ZBTB44: variants seen among roughly 807,000 people sequenced by gnomAD.
ZBTB44 encodes zinc finger and BTB domain-containing protein 44.
Under a neutral mutation model 54.0 loss-of-function variants are expected in ZBTB44, and 15 were observed. The observed-to-expected ratio is 0.28, with a 90% confidence interval of 0.19 to 0.43. The LOEUF (loss-of-function observed/expected upper bound fraction) is 0.43, where lower values mean the gene tolerates loss of function less well. ZBTB44 is among the 20% of genes least tolerant of loss of function. The probability of loss-of-function intolerance (pLI) is 1.00; values close to 1 mark genes in which losing one functional copy is unlikely to be tolerated. For missense variants in ZBTB44, 487 were observed against 707.1 expected (o/e 0.69, Z 3.53); for synonymous variants, 230 against 250.1 (o/e 0.92, Z 0.76).
intron 1 of ZBTB44, among the ~76,000 whole-genome samples, chr11:130,295,367 G>A (rs1267997617): frequency 6.6e-6 from 1 of 152,146 alleles, no homozygotes; most frequent in Non-Finnish European, 1.5e-5. Flanking sequence ...TGGAGAAGCA[G>A]CAATGCAGTC....
At chr11:130,280,237 G>A (rs1940407729) in intron 1 of ZBTB44, among the ~76,000 whole-genome samples, 1 of 152,086 alleles carries the variant, frequency 6.6e-6, no homozygotes, top group Non-Finnish European at 1.5e-5. Context: ...AAAACACAGA[G>A]ACAGCACGAG....
intron 7 of ZBTB44, chr11:130,233,043 G>C (rs1361787240): frequency 2.8e-6 from 1 of 363,422 alleles, no homozygotes; most frequent in Non-Finnish European, 4.9e-6. Flanking sequence ...AGCCTCAATA[G>C]AGAATTATTT....
rs1185487291 is a variant in ZBTB44, at chr11:130,273,980, A to AG, written c.-56-12052dup. Among the ~76,000 whole-genome samples, 7 of 150,262 alleles carry AG rather than the reference A, an allele frequency of 4.7e-5. No individual in the cohort carries two copies. In the East Asian group the frequency reaches 1.2e-3, roughly 25 times the overall value. Reference sequence around the variant, plus strand: ...GCACATGCCTGTAATCCCAGCTAGTAGGGGGGCTGAGGCAGGAAAATAATT... The same window carrying AG: ...GCACATGCCTGTAATCCCAGCTAGTAGGGGGGGCTGAGGCAGGAAAATAATT... On this transcript the variant is annotated intron_variant, in intron 1 of 7. Coordinates refer to ENST00000357899, the MANE Select transcript of ZBTB44 (RefSeq NM_001301098.2).
chr11:130,303,983 T>G (rs1942132785), intron 1 of ZBTB44, among the ~76,000 whole-genome samples: 1 of 152,174 alleles, frequency 6.6e-6, no homozygotes, highest in Non-Finnish European at 1.5e-5. Flanking sequence ...TGCCAGCCAA[T>G]ATCAACATTG....
chr11:130,250,767 C>T (rs1937934206), intron 2 of ZBTB44, among the ~76,000 whole-genome samples: 1 of 152,092 alleles, frequency 6.6e-6, no homozygotes, highest in African/African-American at 2.4e-5. Flanking sequence ...ACACAGACGC[C>T]CCATCCAAAC....
At position 130,230,413 on chromosome 11, in the gene ZBTB44, G is replaced by GTTTTTT. The variant is rs60251959; in HGVS notation, c.*1345_*1350dup. 15 of 105,404 alleles carry GTTTTTT rather than the reference G, an allele frequency of 1.4e-4. No homozygotes were observed. The highest frequency in any genetic ancestry group is 1.8e-4 in the African/African-American group (5 of 27,410). The allele number at this position is 105,404 out of a possible 1,614,324, so 6.5% of individuals were successfully genotyped here. Reference sequence around the variant, plus strand: ...GGCAAAGTATTTTAACAAGATGAAAGTTTTTTTTTTTTTTTTTTTTTGCTA... The same window carrying GTTTTTT: ...GGCAAAGTATTTTAACAAGATGAAAGTTTTTTTTTTTTTTTTTTTTTTTTTTTGCTA... On this transcript the variant is annotated 3_prime_UTR_variant, in exon 8 of 8. Coordinates refer to ENST00000357899, the MANE Select transcript of ZBTB44 (RefSeq NM_001301098.2).
chr11:130,272,857 G>A (rs1939777756), intron 1 of ZBTB44, among the ~76,000 whole-genome samples: 1 of 151,998 alleles, frequency 6.6e-6, no homozygotes, highest in Admixed American at 6.5e-5. Flanking sequence ...CATCCTTGTT[G>A]GAAATCAGTT....
chr11:130,253,259 G>A (rs963103127), intron 2 of ZBTB44, among the ~76,000 whole-genome samples: 3 of 152,264 alleles, frequency 2.0e-5, no homozygotes, highest in Non-Finnish European at 4.4e-5. Context: ...ATTCAATTAC[G>A]AAAAGAGGAA....
rs565872614 is a variant in ZBTB44 at position 130,259,678 on chromosome 11, T to C, written c.1018+1178A>G. ...GGGACATGGATGAAGCTGGAAACCATCATTCTCCGCAAACTATCACAAGAA... is the reference window on the plus strand; with the variant it reads ...GGGACATGGATGAAGCTGGAAACCACCATTCTCCGCAAACTATCACAAGAA... On this transcript the variant is annotated intron_variant, in intron 2 of 7. Coordinates refer to ENST00000357899, the MANE Select transcript of ZBTB44 (RefSeq NM_001301098.2). Among the ~76,000 whole-genome samples the C allele has an allele frequency of 1.6e-3, 240 of 152,086 alleles. 5 individuals carry two copies. In the South Asian group the frequency reaches 0.034, roughly 22 times the overall value.
At chr11:130,254,079 A>T (rs1466230010) in intron 2 of ZBTB44, among the ~76,000 whole-genome samples, 1 of 152,246 alleles carries the variant, frequency 6.6e-6, no homozygotes, top group Non-Finnish European at 1.5e-5. Flanking sequence ...AAGATGGATT[A>T]AAGACTTAAA....
At chr11:130,303,955 G>C (rs1264300026) in intron 1 of ZBTB44, among the ~76,000 whole-genome samples, 1 of 152,024 alleles carries the variant, frequency 6.6e-6, no homozygotes, top group East Asian at 1.9e-4. Context: ...TTACTCCAGG[G>C]TAAGTTATGT....
chr11:130,242,432 C>T (rs1163184839), intron 2 of ZBTB44, among the ~76,000 whole-genome samples: 2 of 152,184 alleles, frequency 1.3e-5, no homozygotes, highest in Non-Finnish European at 2.9e-5. Context: ...TTCATTCTTG[C>T]AAATGAAACC....
At chr11:130,237,763 C>A (rs982464477) in intron 4 of ZBTB44, among the ~76,000 whole-genome samples, 1 of 152,164 alleles carries the variant, frequency 6.6e-6, no homozygotes, top group Non-Finnish European at 1.5e-5. Flanking sequence ...AGGACAGGGA[C>A]TGTAAGACCT....
chr11:130,248,980 T>C (rs1937762166), intron 2 of ZBTB44, among the ~76,000 whole-genome samples: 1 of 151,976 alleles, frequency 6.6e-6, no homozygotes, highest in African/African-American at 2.4e-5. Context: ...GGTGTGTGCC[T>C]GCAGTCCCAG....
intron 1 of ZBTB44, among the ~76,000 whole-genome samples, chr11:130,264,028 T>C (rs1029565160): frequency 1.3e-5 from 2 of 152,228 alleles, no homozygotes; most frequent in Non-Finnish European, 2.9e-5. Context: ...GCACAGACTC[T>C]GGAGCCAGAA....
intron 7 of ZBTB44, chr11:130,233,046 A>C (rs11825972): frequency 0.015 from 5,658 of 378,586 alleles, 182 homozygotes; most frequent in African/African-American, 0.077. Context: ...CTCAATAGAG[A>C]ATTATTTATT....
At chr11:130,279,206 G>A (rs1488909732) in intron 1 of ZBTB44, among the ~76,000 whole-genome samples, 1 of 151,134 alleles carries the variant, frequency 6.6e-6, no homozygotes, top group African/African-American at 2.4e-5. Flanking sequence ...TCCACAGAGA[G>A]GTACATTTTT....
chr11:130,269,366 G>A (rs1350798817), intron 1 of ZBTB44, among the ~76,000 whole-genome samples: 1 of 152,050 alleles, frequency 6.6e-6, no homozygotes, highest in Non-Finnish European at 1.5e-5. Flanking sequence ...TTAATTTGGA[G>A]GTCATTTAAA....
Position 130,292,733 on chromosome 11 carries a change from A to G in ZBTB44, c.-57+21642T>C, listed in dbSNP as rs146712008. The stretch of plus-strand genomic sequence containing the variant: ...ACAAACGTTTTGCAGGAAACCTGTT[A>G]AAACAATTGATTTAGGAATGGAAGA... On this transcript the variant is annotated intron_variant, in intron 1 of 7. Transcript: ENST00000357899. 8.5e-5 allele frequency among the ~76,000 whole-genome samples: 13 copies of G among 152,344 alleles called. No homozygotes were observed. In the East Asian group the frequency reaches 2.5e-3, roughly 29 times the overall value.
Sources: gnomAD v4.1 joint callset for allele counts (sites outside exome capture counted in the v4.1 genomes callset) on GRCh38, gnomAD v4.1.1 for gene constraint, MANE v1.5 for transcripts, NCBI Gene and HGNC (gene_info 2026-07-23, HGNC 2026-07-21) for gene names.